PSPC1: variants seen among roughly 807,000 people sequenced by gnomAD.
The protein encoded by PSPC1 is paraspeckle protein 1.
PSPC1 carries 14 observed loss-of-function variants against 51.6 expected under a neutral mutation model. The ratio of observed to expected loss-of-function variants is 0.27; its 90% CI spans 0.18 to 0.42. PSPC1 has a LOEUF of 0.42. PSPC1 is among the 10% of genes least tolerant of loss of function. The pLI, the probability that PSPC1 is intolerant of heterozygous loss-of-function variation, is 1.00. For missense variants in PSPC1, 406 were observed against 701.1 expected, an observed-to-expected ratio of 0.58 and a Z score of 4.75; for synonymous variants, 193 against 231.9, an observed-to-expected ratio of 0.83 and a Z score of 1.53.
At chr13:19,741,486 A>T in intron 5 of PSPC1, 79 bp downstream of exon 5, 2 of 1,028,346 alleles carry the variant, frequency 1.9e-6, no homozygotes, top group Admixed American at 4.9e-5. Flanking sequence ...TACTCAACTT[A>T]TACAACTTGT....
intron 6 of PSPC1, among the ~76,000 whole-genome samples, chr13:19,711,411 C>T (rs567951804): frequency 2.0e-5 from 3 of 151,942 alleles, no homozygotes; most frequent in South Asian, 4.2e-4. Flanking sequence ...CCGAGATGGG[C>T]GGATCATGAG....
At chr13:19,682,124 T>C (rs1877335246) in intron 6 of PSPC1, among the ~76,000 whole-genome samples, 2 of 152,204 alleles carry the variant, frequency 1.3e-5, no homozygotes. Context: ...CAAACTAATT[T>C]TGATGTAATA....
At chr13:19,775,886 T>C (rs993297086) in intron 1 of PSPC1, among the ~76,000 whole-genome samples, 1 of 151,924 alleles carries the variant, frequency 6.6e-6, no homozygotes, top group Non-Finnish European at 1.5e-5. Flanking sequence ...CCGTCTCTAC[T>C]AAAAGTACAA....
At chr13:19,692,494 G>A (rs1240808904) in intron 6 of PSPC1, among the ~76,000 whole-genome samples, 2 of 152,172 alleles carry the variant, frequency 1.3e-5, no homozygotes, top group African/African-American at 2.4e-5. Flanking sequence ...AGTTAGGAAT[G>A]TATCATAGTC....
intron 1 of PSPC1, among the ~76,000 whole-genome samples, chr13:19,780,004 A>G (rs1593798422): frequency 8.4e-6 from 1 of 119,670 alleles, no homozygotes; most frequent in Admixed American, 8.3e-5. Context: ...TCCGGGAGGG[A>G]GGTGGGGGGG....
chr13:19,707,601 T>G (rs938848340), intron 7 of PSPC1, among the ~76,000 whole-genome samples: 5 of 152,130 alleles, frequency 3.3e-5, no homozygotes, highest in African/African-American at 1.2e-4. Flanking sequence ...AAACTGGGCT[T>G]TAGGAGAGTT....
intron 7 of PSPC1, among the ~76,000 whole-genome samples, chr13:19,676,082 C>A (rs1232328835): frequency 6.6e-6 from 1 of 152,140 alleles, no homozygotes; most frequent in African/African-American, 2.4e-5. Context: ...TATAGAATCT[C>A]TCTCCCCTTC....
chr13:19,682,001 T>C (rs1877317908), intron 6 of PSPC1, among the ~76,000 whole-genome samples: 1 of 152,192 alleles, frequency 6.6e-6, no homozygotes, highest in Non-Finnish European at 1.5e-5. Flanking sequence ...CAGTGAATGA[T>C]ATAGCAAAAG....
In PSPC1 at chr13:19,730,975, A is replaced by C. The variant is rs1423600691; in HGVS notation, c.1053-631T>G. Among the ~76,000 whole-genome samples, 34 of 147,822 alleles carry C rather than the reference A, an allele frequency of 2.3e-4. No individual in the cohort carries two copies. The East Asian group carries it at 6.6e-3, about 29-fold the overall frequency. ...AAAAAAACAAAAAAACAAAAAAAAAAAAAACAGAAAAAGTCTGAGATCTAC... is the reference window on the plus strand; with the variant it reads ...AAAAAAACAAAAAAACAAAAAAAAACAAAACAGAAAAAGTCTGAGATCTAC... On this transcript the variant is annotated intron_variant, in intron 5 of 8. Coordinates refer to ENST00000338910, the MANE Select transcript of PSPC1 (RefSeq NM_001354909.2).
chr13:19,705,260 C>G (rs1267970738), intron 8 of PSPC1, among the ~76,000 whole-genome samples: 2 of 152,148 alleles, frequency 1.3e-5, no homozygotes, highest in Non-Finnish European at 2.9e-5. Flanking sequence ...TTTGGGAGGC[C>G]GAGGCGGGCG....
chr13:19,747,239 T>C (rs1333427661), intron 4 of PSPC1, among the ~76,000 whole-genome samples: 1 of 152,218 alleles, frequency 6.6e-6, no homozygotes, highest in Middle Eastern at 3.2e-3. Context: ...AAACTAATTG[T>C]ACCCATATAA....
Position 19,733,587 on chromosome 13 carries a change from C to A in PSPC1, c.1053-3243G>T, listed in dbSNP as rs148117664. 8.9e-3 allele frequency among the ~76,000 whole-genome samples: 1,357 copies of A among 151,944 alleles called. 7 individuals are homozygous for A. Among genetic ancestry groups the A allele is most frequent in the Non-Finnish European group, 0.015 (986 of 67,970 alleles). On this transcript the variant is annotated intron_variant, in intron 5 of 8. Coordinates refer to ENST00000338910, the MANE Select transcript of PSPC1 (RefSeq NM_001354909.2). ...ACCAGCCTGGTCCACATGGTAAAAC[C>A]CCATCTCTACTAAAAATACAAAAAA...
At chr13:19,754,339 GCCT>G (rs1043621149) in intron 3 of PSPC1, among the ~76,000 whole-genome samples, 5 of 151,638 alleles carry the variant, frequency 3.3e-5, no homozygotes, top group Non-Finnish European at 7.4e-5. Flanking sequence ...ACCCACTTTG[GCCT>G]CCCAAAGTGC....
At chr13:19,765,234 G>A (rs561382042) in intron 2 of PSPC1, among the ~76,000 whole-genome samples, 2 of 151,212 alleles carry the variant, frequency 1.3e-5, no homozygotes, top group African/African-American at 2.4e-5. Context: ...TGAGGCACAG[G>A]AATCACTTGA....
intron 6 of PSPC1, among the ~76,000 whole-genome samples, chr13:19,725,480 T>C (rs2137886971): frequency 6.6e-6 from 1 of 152,266 alleles, no homozygotes; most frequent in East Asian, 1.9e-4. Context: ...GATTCAGAGG[T>C]CAGCAAACAT....
At chr13:19,735,184 C>T (rs1475199755) in intron 5 of PSPC1, among the ~76,000 whole-genome samples, 1 of 151,820 alleles carries the variant, frequency 6.6e-6, no homozygotes, top group Non-Finnish European at 1.5e-5. Context: ...GGGTGGTGGG[C>T]GCCTATAATC....
chr13:19,724,924 G>A (rs1883191950), intron 6 of PSPC1, among the ~76,000 whole-genome samples: 1 of 152,178 alleles, frequency 6.6e-6, no homozygotes, highest in Non-Finnish European at 1.5e-5. Flanking sequence ...ACTTGAACCT[G>A]GGAGGCGGGG....
At position 19,764,179 on chromosome 13, in the gene PSPC1, C is replaced by T. The variant is rs150963277; in HGVS notation, c.675-4761G>A. Among the ~76,000 whole-genome samples the T allele has an allele frequency of 3.7e-4, 57 of 152,156 alleles. No individual in the cohort carries two copies. The East Asian group carries it at 9.5e-3, about 25-fold the overall frequency. Reference sequence around the variant, plus strand: ...CAAGTATTGCAGAAGAAACAAGGCCCCTGAAATCCTAACATATGGAGAGGA... The same window carrying T: ...CAAGTATTGCAGAAGAAACAAGGCCTCTGAAATCCTAACATATGGAGAGGA... On this transcript the variant is annotated intron_variant, in intron 2 of 8. Coordinates refer to ENST00000338910, the MANE Select transcript of PSPC1 (RefSeq NM_001354909.2).
At chr13:19,679,300 GC>G (rs1418946239) in intron 6 of PSPC1, among the ~76,000 whole-genome samples, 2 of 152,044 alleles carry the variant, frequency 1.3e-5, no homozygotes, top group African/African-American at 4.8e-5. Context: ...TTTGAGAAGA[GC>G]CTAGACAACA....
Sources: allele counts gnomAD v4.1 joint callset (sites outside exome capture counted in the v4.1 genomes callset), GRCh38; gene constraint gnomAD v4.1.1; transcripts MANE v1.5; gene names NCBI Gene and HGNC (gene_info 2026-07-23, HGNC 2026-07-21).